Variants in ZNF469 observed in about 807,000 individuals in gnomAD.
The protein encoded by ZNF469 is zinc finger protein 469.
In ZNF469, 1 loss-of-function variant was observed where a neutral mutation model predicts 1.0. The observed-to-expected ratio is 1.00, with a 90% CI of 0.35 to 4.73. The LOEUF is 4.73. Among genes scored for constraint, ZNF469 ranks in the 30% most tolerant of loss-of-function variants. The probability of loss-of-function intolerance (pLI) is 0.16; values close to 1 mark genes in which losing one functional copy is unlikely to be tolerated. For missense variants in ZNF469, 6,100 were observed against 5,356.3 expected (o/e 1.14, Z -4.33); for synonymous variants, 2,703 against 2,363.4 (o/e 1.14, Z -4.17).
At chr16:88,264,120 G>A in the ZNF469 span, among the ~76,000 whole-genome samples, 1 of 152,044 alleles carries the variant, frequency 6.6e-6, no homozygotes, top group Admixed American at 6.5e-5. Context: ...CTGGCCACAG[G>A]GGCCACGTCC....
At position 88,383,206 on chromosome 16, in the gene ZNF469, C is replaced by T. The variant is rs894718900; in HGVS notation, c.-240C>T. ...GCGCTGGGGCGGCGCGGGCCGGGAG[C>T]TCGTTGGCGGCGGCCGGCGTGGCGG... On this transcript the variant is annotated 5_prime_UTR_variant, in exon 1 of 3. Transcript: ENST00000565624. Among the ~76,000 whole-genome samples, 1 of 147,374 alleles carries T rather than the reference C, an allele frequency of 6.8e-6. No individual in the cohort carries two copies. The highest frequency in any genetic ancestry group is 2.1e-4 in the South Asian group (1 of 4,822).
At chr16:88,286,369 G>C in the ZNF469 span, among the ~76,000 whole-genome samples, 1 of 152,250 alleles carries the variant, frequency 6.6e-6, no homozygotes, top group Non-Finnish European at 1.5e-5. Flanking sequence ...TCAGGTGGCT[G>C]CCAGGCCTTT....
intron 1 of ZNF469, among the ~76,000 whole-genome samples, chr16:88,387,762 C>G (rs1022616653): frequency 2.6e-5 from 4 of 152,168 alleles, no homozygotes; most frequent in Non-Finnish European, 4.4e-5. Flanking sequence ...CCTGGCCCAC[C>G]CTAGTATGGT....
chr16:88,211,291 C>A, the ZNF469 span, among the ~76,000 whole-genome samples: 2 of 152,178 alleles, frequency 1.3e-5, no homozygotes, highest in African/African-American at 4.8e-5. Context: ...GATGCAGAAT[C>A]ACTAGAAGAC....
the ZNF469 span, among the ~76,000 whole-genome samples, chr16:88,146,131 C>G: frequency 1.3e-5 from 2 of 152,258 alleles, no homozygotes; most frequent in African/African-American, 4.8e-5. Flanking sequence ...AATGCCGGAA[C>G]CACCAGCTCC....
the ZNF469 span, among the ~76,000 whole-genome samples, chr16:88,212,521 G>C: frequency 1.8e-4 from 28 of 151,968 alleles, no homozygotes; most frequent in Non-Finnish European, 3.5e-4. Flanking sequence ...TTCATCATTA[G>C]TGTGATTTTT....
the ZNF469 span, among the ~76,000 whole-genome samples, chr16:88,375,761 C>A: frequency 1.3e-5 from 2 of 152,264 alleles, no homozygotes; most frequent in African/African-American, 2.4e-5. Context: ...AGCCACACGG[C>A]CAGCCTGTGC....
chr16:88,359,424 A>G, the ZNF469 span, among the ~76,000 whole-genome samples: 3 of 152,090 alleles, frequency 2.0e-5, no homozygotes, highest in African/African-American at 7.2e-5. Context: ...TCCTGCCCAC[A>G]TTTGCTATTG....
At position 88,435,271 on chromosome 16, in the gene ZNF469, G is replaced by A. The variant is rs1156781184; in HGVS notation, c.7801G>A (p.Glu2601Lys). Residue 2601 changes from glutamate (E) to lysine (K), a missense_variant, in exon 3 of 3, where the codon GAG (glutamate) becomes AAG (lysine). Physicochemically the swap from Glu to Lys is moderately conservative, Grantham distance 56 (BLOSUM62 1). Coordinates refer to ENST00000565624, the MANE Select transcript of ZNF469 (RefSeq NM_001367624.2). ...KPRPDQAREDELHPKQAEKRE... is the reference protein window; with the variant it reads ...KPRPDQAREDKLHPKQAEKRE... The stretch of plus-strand genomic sequence containing the variant: ...CAGACCAGACCAGGCCAGGGAAGAT[G>A]AGCTGCATCCCAAACAGGCAGAAAA... The A allele has an allele frequency of 3.9e-6, 6 of 1,550,388 alleles. No homozygotes were observed. Among genetic ancestry groups the A allele is most frequent in the Non-Finnish European group, 3.5e-6 (4 of 1,146,996 alleles).
the ZNF469 span, among the ~76,000 whole-genome samples, chr16:88,223,212 C>T: frequency 1.3e-5 from 2 of 152,174 alleles, no homozygotes; most frequent in Non-Finnish European, 2.9e-5. Context: ...TGGGAGAAAA[C>T]TGAACCATGG....
the ZNF469 span, among the ~76,000 whole-genome samples, chr16:88,197,053 A>G: frequency 2.0e-5 from 3 of 152,190 alleles, no homozygotes; most frequent in Admixed American, 6.5e-5. Context: ...AGTGTTGGTC[A>G]CTGACCGTTT....
At chr16:88,126,062 G>C in the ZNF469 span, among the ~76,000 whole-genome samples, 1 of 151,702 alleles carries the variant, frequency 6.6e-6, no homozygotes, top group Non-Finnish European at 1.5e-5. Context: ...GGTGGTGGGT[G>C]CCTGTAATCC....
chr16:88,124,629 G>A, the ZNF469 span, among the ~76,000 whole-genome samples: 1 of 152,188 alleles, frequency 6.6e-6, no homozygotes, highest in African/African-American at 2.4e-5. Flanking sequence ...TTGTTGCCCA[G>A]GCTGGAGTGC....
In ZNF469 at chr16:88,437,082, G is replaced by A. The variant is rs1451861889; in HGVS notation, c.9612G>A (p.Arg3204=). 8.4e-6 allele frequency: 13 copies of A among 1,543,062 alleles called. No individual in the cohort carries two copies. The Admixed American group carries it at 1.2e-4, about 14-fold the overall frequency. Residue 3204 remains arginine (R), a synonymous_variant, in exon 3 of 3, where the codon AGG becomes AGA. Coordinates refer to ENST00000565624, the MANE Select transcript of ZNF469 (RefSeq NM_001367624.2). The stretch of plus-strand genomic sequence containing the variant: ...AGCACGCGGTCCGCTTCGCCCGCAG[G>A]GGGCAGGCGCGGAGGTCCTTGGGGG... ...LREHAVRFAR[R]GQARRSLGDL... is the part of the protein sequence containing the mutation.
the ZNF469 span, among the ~76,000 whole-genome samples, chr16:88,314,090 G>C: frequency 2.1e-5 from 3 of 143,552 alleles, no homozygotes; most frequent in Admixed American, 1.4e-4. Flanking sequence ...CTGTGATTAT[G>C]ATGATGCTGC....
At chr16:88,281,814 C>A in the ZNF469 span, among the ~76,000 whole-genome samples, 18 of 151,980 alleles carry the variant, frequency 1.2e-4, no homozygotes, top group African/African-American at 4.1e-4. Flanking sequence ...AATTTTGGCA[C>A]ACAGGTTGGT....
the ZNF469 span, among the ~76,000 whole-genome samples, chr16:88,262,532 T>G: frequency 6.6e-6 from 1 of 152,148 alleles, no homozygotes; most frequent in Non-Finnish European, 1.5e-5. This position sits in a 1 kb window ranked among gnomAD's most constrained non-coding sequence, Gnocchi z 4.3. Flanking sequence ...TGGGGCTGTC[T>G]AGGGCTCTGG....
chr16:88,280,239 C>T, the ZNF469 span, among the ~76,000 whole-genome samples: 46,968 of 151,470 alleles, frequency 0.31, 7,839 homozygotes, highest in South Asian at 0.4. Context: ...ACCACCCTGA[C>T]GCTCAGTCAG....
At position 88,428,652 on chromosome 16, in the gene ZNF469, G is replaced by A. The variant is rs538381325; in HGVS notation, c.1182G>A (p.Thr394=). The change falls in exon 3 of 3, where the codon ACG becomes ACA. Residue 394 remains threonine (T), a synonymous_variant. Coordinates refer to ENST00000565624, the MANE Select transcript of ZNF469 (RefSeq NM_001367624.2). The stretch of plus-strand genomic sequence containing the variant: ...CAGCCCAGGATGGGCTGGGGAGCAC[G>A]AGAGGGCCCCCTAGCTCCCTACCCC... ...PPSAQDGLGS[T]RGPPSSLPQR... 3.0e-5 allele frequency: 47 copies of A among 1,550,122 alleles called. No individual in the cohort carries two copies. The Middle Eastern group carries it at 1.0e-3, about 33-fold the overall frequency.
Sources: gnomAD v4.1 joint callset for allele counts (sites outside exome capture counted in the v4.1 genomes callset) on GRCh38, gnomAD v4.1.1 for gene constraint, Gnocchi (gnomAD v3.1) non-coding constraint, MANE v1.5 for transcripts, NCBI Gene and HGNC (gene_info 2026-07-23, HGNC 2026-07-21) for gene names.